Variants in GALNT17 observed in about 807,000 individuals in gnomAD.
GALNT17 encodes the protein UDP-GalNAc:polypeptide N-acetylgalactosaminyltransferase-like 3.
GALNT17 carries 29 observed loss-of-function variants against 63.7 expected under a neutral mutation model. That is an observed-to-expected ratio of 0.46 (90% CI 0.34 to 0.62). GALNT17 has a LOEUF of 0.62. GALNT17 is among the 20% of genes least tolerant of loss of function. GALNT17 has a pLI of 0.01. For missense variants in GALNT17, 603 were observed against 799.6 expected, an observed-to-expected ratio of 0.75 and a Z score of 2.97; for synonymous variants, 305 against 318.3, an observed-to-expected ratio of 0.96 and a Z score of 0.45.
At position 71,132,866 on chromosome 7, in the gene GALNT17, G is replaced by T. The variant is rs1218502537; in HGVS notation, c.64G>T (p.Val22Leu). ...GAACTTGATCGCGGTAGCCGGCTTC[G>T]TGCTCTTCCTGGCCAAGTGCCGGCC... is the stretch of plus-strand genomic sequence containing the variant. ...VLNLIAVAGF[V>L]LFLAKCRPIA... The change falls in exon 1 of 11, where the codon GTG (valine) becomes TTG (leucine). Residue 22 changes from valine (V) to leucine (L), a missense_variant. By Grantham distance (32) the Val-to-Leu change is conservative. This residue lies in a region of GALNT17 where 195 missense variants were observed against 215.0 expected (regional missense o/e 0.91). Coordinates refer to ENST00000333538, the MANE Select transcript of GALNT17 (RefSeq NM_022479.3). 2 of 1,613,008 alleles carry T rather than the reference G, an allele frequency of 1.2e-6. No homozygotes were observed. The highest frequency in any genetic ancestry group is 2.2e-5 in the East Asian group (1 of 44,804).
chr7:71,495,391 C>CAGTTTTCTTTTTTGAGCACTT (rs1788078176), intron 5 of GALNT17, among the ~76,000 whole-genome samples: 2 of 152,176 alleles, frequency 1.3e-5, no homozygotes, highest in Admixed American at 6.5e-5. Flanking sequence ...ACAACCATAG[C>CAGTTTTCTTTTTTGAGCACTT]AGTTTTCTTT....
chr7:71,348,207 G>A (rs185786285), intron 2 of GALNT17, among the ~76,000 whole-genome samples: 1 of 151,734 alleles, frequency 6.6e-6, no homozygotes, highest in Non-Finnish European at 1.5e-5. Flanking sequence ...GTGGCAGTGA[G>A]CCAAGATCAC....
intron 1 of GALNT17, among the ~76,000 whole-genome samples, chr7:71,166,783 C>T (rs1788448614): frequency 6.6e-6 from 1 of 152,130 alleles, no homozygotes; most frequent in African/African-American, 2.4e-5. Flanking sequence ...TCCAGTGAAA[C>T]TGTCATGTAC....
chr7:71,246,115 G>GTTTTTTTTTTTTTTT (rs61447370), intron 1 of GALNT17, among the ~76,000 whole-genome samples: 1 of 92,000 alleles, frequency 1.1e-5, no homozygotes, highest in African/African-American at 4.1e-5. Context: ...TTTTTTCGTT[G>GTTTTTTTTTTTTTTT]TTTTTTTTTT....
intron 3 of GALNT17, among the ~76,000 whole-genome samples, chr7:71,411,979 G>A (rs753289070): frequency 6.6e-6 from 1 of 152,192 alleles, no homozygotes; most frequent in South Asian, 2.1e-4. Flanking sequence ...TGTCATAGGA[G>A]CATTATCCTG....
intron 1 of GALNT17, among the ~76,000 whole-genome samples, chr7:71,312,067 A>G (rs1021502405): frequency 6.6e-6 from 1 of 152,188 alleles, no homozygotes; most frequent in African/African-American, 2.4e-5. Context: ...GCAACACCCT[A>G]AAGTTACCTC....
At chr7:71,443,389 G>T (rs566228602) in intron 5 of GALNT17, among the ~76,000 whole-genome samples, 2 of 152,294 alleles carry the variant, frequency 1.3e-5, no homozygotes, top group South Asian at 4.1e-4. Context: ...AATTTGATCC[G>T]CAGTGTTGGA....
At chr7:71,608,920 T>A (rs541644012) in intron 6 of GALNT17, among the ~76,000 whole-genome samples, 2 of 151,582 alleles carry the variant, frequency 1.3e-5, no homozygotes, top group African/African-American at 4.8e-5. Flanking sequence ...CTGGGGACTA[T>A]AGGTGCTTAC....
intron 1 of GALNT17, among the ~76,000 whole-genome samples, chr7:71,230,165 C>T (rs780610712): frequency 2.0e-5 from 3 of 152,158 alleles, no homozygotes; most frequent in Admixed American, 6.5e-5. Context: ...CCTCCCAACT[C>T]CCCATGAGAC....
chr7:71,477,824 A>G (rs1002531114), intron 5 of GALNT17, among the ~76,000 whole-genome samples: 1 of 152,208 alleles, frequency 6.6e-6, no homozygotes, highest in Non-Finnish European at 1.5e-5. Flanking sequence ...ACCCTTCCCA[A>G]TGTCTATTCA....
intron 6 of GALNT17, among the ~76,000 whole-genome samples, chr7:71,661,615 C>T (rs1423952611): frequency 6.6e-6 from 1 of 152,196 alleles, no homozygotes; most frequent in Non-Finnish European, 1.5e-5. Flanking sequence ...ATAATGACCA[C>T]AGTGCATGCC....
At chr7:71,305,373 C>G (rs1379275562) in intron 1 of GALNT17, among the ~76,000 whole-genome samples, 1 of 152,146 alleles carries the variant, frequency 6.6e-6, no homozygotes, top group Non-Finnish European at 1.5e-5. Context: ...AATTGTAGAT[C>G]AAATCCAGCT....
chr7:71,467,779 A>G lies in GALNT17; in HGVS notation c.962+46674A>G, dbSNP rs551133336. On this transcript the variant is annotated intron_variant, in intron 5 of 10. Coordinates refer to ENST00000333538, the MANE Select transcript of GALNT17 (RefSeq NM_022479.3). ...CATGGAAAGGCAAAAAAAAACAAAC[A>G]AAAAAACCCTCAAAATCTGCAGGGA... Among the ~76,000 whole-genome samples the G allele has an allele frequency of 2.1e-5, 3 of 146,202 alleles. No individual in the cohort carries two copies. The East Asian group carries it at 5.8e-4, about 28-fold the overall frequency.
At chr7:71,428,333 T>C (rs1786798110) in intron 5 of GALNT17, among the ~76,000 whole-genome samples, 1 of 152,186 alleles carries the variant, frequency 6.6e-6, no homozygotes, top group Non-Finnish European at 1.5e-5. Flanking sequence ...TTCATATAAG[T>C]GGAGTCCTGC....
chr7:71,350,531 G>A (rs771455756), intron 2 of GALNT17, among the ~76,000 whole-genome samples: 2 of 151,758 alleles, frequency 1.3e-5, no homozygotes, highest in African/African-American at 2.4e-5. Flanking sequence ...ATAGCAATAC[G>A]ACAATAAAAA....
intron 6 of GALNT17, among the ~76,000 whole-genome samples, chr7:71,602,695 G>A (rs1404668077): frequency 6.6e-6 from 1 of 152,106 alleles, no homozygotes; most frequent in East Asian, 1.9e-4. Flanking sequence ...CAGATTAATT[G>A]TAGATTGTCA....
chr7:71,377,128 TA>T (rs1792756847), intron 2 of GALNT17, among the ~76,000 whole-genome samples: 1 of 117,494 alleles, frequency 8.5e-6, no homozygotes, highest in African/African-American at 3.4e-5. Flanking sequence ...TATATATATA[TA>T]TATATATATA....
chr7:71,582,368 A>G (rs898412695), intron 6 of GALNT17, among the ~76,000 whole-genome samples: 2 of 150,926 alleles, frequency 1.3e-5, no homozygotes, highest in African/African-American at 4.9e-5. Flanking sequence ...AGATCAGGAG[A>G]TGGAGATCAT....
chr7:71,612,547 C>T (rs928154907), intron 6 of GALNT17, among the ~76,000 whole-genome samples: 6 of 152,032 alleles, frequency 3.9e-5, no homozygotes, highest in East Asian at 1.9e-4. Flanking sequence ...TGGCACACAG[C>T]GTAGATGAGA....
Sources: allele counts gnomAD v4.1 joint callset (sites outside exome capture counted in the v4.1 genomes callset), GRCh38; gene constraint gnomAD v4.1.1; regional missense constraint gnomAD v4.1.1; transcripts MANE v1.5; gene names NCBI Gene and HGNC (gene_info 2026-07-23, HGNC 2026-07-21).